The following ERC1 variants were observed in gnomAD, a reference collection of about 807,000 sequenced individuals.
ERC1 encodes RAB6 interacting protein 2.
Under a neutral mutation model 132.0 loss-of-function variants are expected in ERC1, and 56 were observed. The ratio of observed to expected loss-of-function variants is 0.42; its 90% CI spans 0.34 to 0.53. The LOEUF (loss-of-function observed/expected upper bound fraction) is 0.53, where lower values mean the gene tolerates loss of function less well. Ranked by LOEUF, ERC1 falls within the 20% of genes least tolerant of loss-of-function variation. The pLI is 0.03. For synonymous variants in ERC1, 478 were observed against 476.1 expected, an observed-to-expected ratio of 1.00 and a Z score of -0.05; for missense variants, 1,202 against 1,349.9, an observed-to-expected ratio of 0.89 and a Z score of 1.72.
intron 17 of ERC1, among the ~76,000 whole-genome samples, chr12:1,412,263 T>C (rs1378599512): frequency 6.6e-6 from 1 of 152,242 alleles, no homozygotes; most frequent in East Asian, 1.9e-4. Flanking sequence ...ATTCAAACTT[T>C]TGAAATTGAC....
At chr12:990,390 G>C (rs1204685646), upstream of ERC1, 1 of 151,798 alleles carries the variant, frequency 6.6e-6, no homozygotes, top group East Asian at 1.9e-4. Flanking sequence ...CAAAACCAAA[G>C]CCGGCTGCGA....
At chr12:1,255,856 G>A (rs1385447708) in intron 13 of ERC1, among the ~76,000 whole-genome samples, 1 of 151,382 alleles carries the variant, frequency 6.6e-6, no homozygotes, top group Non-Finnish European at 1.5e-5. Flanking sequence ...AGCCAGGATG[G>A]TCTCAATCTC....
chr12:1,466,157 TTCTGGAGGCTGGAAG>T (rs2093738763), intron 18 of ERC1, among the ~76,000 whole-genome samples: 1 of 152,130 alleles, frequency 6.6e-6, no homozygotes, highest in Non-Finnish European at 1.5e-5. Flanking sequence ...TTCCTCACAG[TTCTGGAGGCTGGAAG>T]TCCGAGATCA....
intron 15 of ERC1, among the ~76,000 whole-genome samples, chr12:1,308,990 C>T (rs1333337296): frequency 1.3e-5 from 2 of 152,174 alleles, no homozygotes; most frequent in African/African-American, 2.4e-5. Context: ...CTCATTTGCC[C>T]CTTCCACTGT....
rs570193569 is a variant in ERC1, at chr12:1,130,829, C to A, written c.1570-10791C>A. Among the ~76,000 whole-genome samples, 4 of 152,202 alleles carry A rather than the reference C, an allele frequency of 2.6e-5. No individual in the cohort carries two copies. In the South Asian group the frequency reaches 8.3e-4, roughly 32 times the overall value. ...CAGTCCCATGGCTCAGTGCCCTTCA[C>A]GTAGCATTCAGCCTCCCATCTAGGT... On this transcript the variant is annotated intron_variant, in intron 7 of 18. Coordinates refer to ENST00000360905, the MANE Select transcript of ERC1 (RefSeq NM_178040.4).
At position 1,028,457 on chromosome 12, in the gene ERC1, G is replaced by A. The variant is rs1415046141; in HGVS notation, c.554G>A (p.Ser185Asn). 1 of 1,614,170 alleles carries A rather than the reference G, an allele frequency of 6.2e-7. No homozygotes were observed. The highest frequency in any genetic ancestry group is 1.1e-5 in the South Asian group (1 of 91,078). Residue 185 changes from serine to asparagine, a missense_variant, in exon 2 of 19, where the codon AGC becomes AAC. Ser to Asn is a conservative substitution (Grantham distance 46). Coordinates refer to ENST00000360905, the MANE Select transcript of ERC1 (RefSeq NM_178040.4). ...KESKLSSSMN[S>N]IKTFWSPELK... ...AGCAAATTGAGTTCTTCAATGAATA[G>A]CATCAAGACCTTCTGGAGCCCAGAG...
At position 1,061,993 on chromosome 12, in the gene ERC1, T is replaced by A. The variant is rs551252198; in HGVS notation, c.670-21171T>A. Among the ~76,000 whole-genome samples, 1,125 of 141,128 alleles carry A rather than the reference T, an allele frequency of 8.0e-3. 15 individuals are homozygous for A. Among genetic ancestry groups the A allele is most frequent in the African/African-American group, 0.028 (1,078 of 38,124 alleles). The allele number at this position is 141,128 out of a possible 152,430, so 92.6% of individuals were successfully genotyped here. On this transcript the variant is annotated intron_variant, in intron 2 of 18. Coordinates refer to ENST00000360905, the MANE Select transcript of ERC1 (RefSeq NM_178040.4). ...GTTTTTTTTTCTTCTTTTCTTCTTT[T>A]TTTTTTTTTTTTTTTGAGACGGAGT...
chr12:1,304,902 A>G (rs374085446), intron 15 of ERC1, among the ~76,000 whole-genome samples: 5,595 of 139,592 alleles, frequency 0.04, 134 homozygotes, highest in Middle Eastern at 0.083. Context: ...CCATTCTCCT[A>G]CCTCAGCCTC....
intron 11 of ERC1, among the ~76,000 whole-genome samples, chr12:1,183,917 C>T (rs553224149): frequency 1.1e-4 from 17 of 152,098 alleles, no homozygotes; most frequent in Non-Finnish European, 2.2e-4. Context: ...GGGCAGATGA[C>T]GAGGTCAGGA....
chr12:1,393,255 T>A (rs879763826), intron 16 of ERC1, among the ~76,000 whole-genome samples: 1 of 152,242 alleles, frequency 6.6e-6, no homozygotes, highest in Non-Finnish European at 1.5e-5. Context: ...TGGCTGGGTG[T>A]GGTGGCTTAC....
intron 14 of ERC1, among the ~76,000 whole-genome samples, chr12:1,278,682 C>A (rs2078452091): frequency 6.6e-6 from 1 of 152,124 alleles, no homozygotes; most frequent in Admixed American, 6.5e-5. Context: ...TAACTCTGTA[C>A]TTAAAGTTTG....
intron 16 of ERC1, among the ~76,000 whole-genome samples, chr12:1,393,014 T>A (rs987990179): frequency 2.0e-5 from 3 of 152,210 alleles, no homozygotes; most frequent in Admixed American, 2.0e-4. Flanking sequence ...AAAAATGGTA[T>A]TGGAGAGTTT....
chr12:1,034,042 G>A (rs1023054125), intron 2 of ERC1, among the ~76,000 whole-genome samples: 3 of 152,152 alleles, frequency 2.0e-5, no homozygotes, highest in Admixed American at 6.5e-5. Context: ...CTTGGAAACT[G>A]TATCTGTATT....
rs1565768564 is a variant in ERC1 at position 1,007,483 on chromosome 12, TC to T, written c.-157+16162del. Among the ~76,000 whole-genome samples, 1,297 of 147,716 alleles carry T rather than the reference TC, an allele frequency of 8.8e-3. 26 individuals are homozygous for T. Among genetic ancestry groups the T allele is most frequent in the African/African-American group, 0.032 (1,224 of 37,760 alleles). On this transcript the variant is annotated intron_variant, in intron 1 of 18. Transcript: ENST00000360905. ...CATTCTCTCTCTCTCTCTCTCTCTC[TC>T]TCTCTCTCTTTCTCTCTCTCTCACT...
chr12:1,200,364 T>C (rs1956790159), intron 12 of ERC1, among the ~76,000 whole-genome samples: 1 of 152,180 alleles, frequency 6.6e-6, no homozygotes, highest in South Asian at 2.1e-4. Context: ...CTATTTTAAA[T>C]GTTACTTTTT....
intron 1 of ERC1, among the ~76,000 whole-genome samples, chr12:1,000,551 A>G (rs1005052472): frequency 1.2e-4 from 18 of 151,554 alleles, no homozygotes; most frequent in African/African-American, 4.4e-4. Context: ...GTGAACTTAA[A>G]TTAAGTGTCT....
intron 15 of ERC1, among the ~76,000 whole-genome samples, chr12:1,329,240 G>A (rs1323033591): frequency 1.4e-5 from 2 of 143,656 alleles, no homozygotes; most frequent in Non-Finnish European, 3.0e-5. Context: ...GTTGGAGTGA[G>A]CCAAGATCAC....
At chr12:1,251,424 A>G (rs780103470) in intron 13 of ERC1, among the ~76,000 whole-genome samples, 9 of 152,036 alleles carry the variant, frequency 5.9e-5, no homozygotes, top group African/African-American at 9.7e-5. Flanking sequence ...GGCTTTTTCT[A>G]TATAGAATAT....
At chr12:1,444,880 T>G in intron 18 of ERC1, 130 bp downstream of exon 18, 1 of 716,884 alleles carries the variant, frequency 1.4e-6, no homozygotes. Flanking sequence ...CCTTGGGGAA[T>G]CCCGTTGCTG....
Sources: gnomAD v4.1 joint callset for allele counts (sites outside exome capture counted in the v4.1 genomes callset) on GRCh38, gnomAD v4.1.1 for gene constraint, MANE v1.5 for transcripts, NCBI Gene and HGNC (gene_info 2026-07-23, HGNC 2026-07-21) for gene names.